GOLGA3: variants seen among roughly 807,000 people sequenced by gnomAD.
The protein encoded by GOLGA3 is golgin subfamily A member 3.
A neutral mutation model predicts 169.4 loss-of-function variants in GOLGA3; 75 were observed. That is an observed-to-expected ratio of 0.44 (90% CI 0.37 to 0.54). The LOEUF is 0.54. Among genes scored for constraint, GOLGA3 ranks in the 20% least tolerant of loss-of-function variants. GOLGA3 has a pLI of 0.00. For missense variants in GOLGA3, 1,899 were observed against 1,930.0 expected (o/e 0.98, Z 0.30); for synonymous variants, 824 against 822.4 (o/e 1.00, Z -0.03).
chr12:132,775,073 C>A, intron 22 of GOLGA3, 68 bp downstream of exon 22: 2 of 1,405,378 alleles, frequency 1.4e-6, no homozygotes, highest in Non-Finnish European at 9.8e-7. Context: ...AACACGTCTG[C>A]CAGCCTCCTG....
chr12:132,789,274 T>G lies in GOLGA3; in HGVS notation c.2564A>C (p.Tyr855Ser). Reference sequence around the variant, plus strand: ...GTCTTTGGAGGTGGCGTCGCGCCGGTAGGCCTCCACCATCACCTGCCAAAG... The same window carrying G: ...GTCTTTGGAGGTGGCGTCGCGCCGGGAGGCCTCCACCATCACCTGCCAAAG... ...FLQQKVMVEA[Y>S]RRDATSKDQL... The change falls in exon 13 of 24, where the codon TAC becomes TCC. Residue 855 changes from tyrosine (Y) to serine (S), a missense_variant. Transcript: ENST00000450791. The G allele has an allele frequency of 3.8e-6, 6 of 1,597,882 alleles. No individual in the cohort carries two copies. Among genetic ancestry groups the G allele is most frequent in the South Asian group, 1.1e-5 (1 of 90,594 alleles).
At chr12:132,795,620 G>A (rs969066255) in intron 11 of GOLGA3, among the ~76,000 whole-genome samples, 3 of 152,220 alleles carry the variant, frequency 2.0e-5, no homozygotes, top group African/African-American at 7.2e-5. Flanking sequence ...AATTAGCTGG[G>A]CATGGTGGCG....
rs2044869436 is a variant in GOLGA3 at position 132,770,843 on chromosome 12, C to T, written c.*2262G>A. 1 of 152,198 alleles carries T rather than the reference C, an allele frequency of 6.6e-6. No homozygotes were observed. The highest frequency in any genetic ancestry group is 1.9e-4 in the East Asian group (1 of 5,186). The allele number at this position is 152,198 out of a possible 1,614,324, so 9.4% of individuals were successfully genotyped here. On this transcript the variant is annotated 3_prime_UTR_variant, in exon 24 of 24. Coordinates refer to ENST00000450791, the MANE Select transcript of GOLGA3 (RefSeq NM_001389683.1). ...AAAGACGGGGTTTTGCCATGTTGGCCAGGATGGTCTGGACCTCTTGACCTC... is the reference window on the plus strand; with the variant it reads ...AAAGACGGGGTTTTGCCATGTTGGCTAGGATGGTCTGGACCTCTTGACCTC...
At chr12:132,781,484 G>A (rs182140661) in intron 17 of GOLGA3, among the ~76,000 whole-genome samples, 19 of 152,204 alleles carry the variant, frequency 1.2e-4, no homozygotes, top group African/African-American at 1.7e-4. Flanking sequence ...GCTTGAACCC[G>A]GGAGGCAGGG....
Position 132,796,044 on chromosome 12 carries a change from G to C in GOLGA3, c.2277C>G (p.Gly759=), listed in dbSNP as rs528566298. Reference sequence around the variant, plus strand: ...TCGTGTCCTCCCTGGAGGCGGCCTCGCCCTGCAGCTCCCCCAGCCTGGCCT... The same window carrying C: ...TCGTGTCCTCCCTGGAGGCGGCCTCCCCCTGCAGCTCCCCCAGCCTGGCCT... The part of the protein sequence containing the change: ...ELQARLGELQ[G]EAASREDTIC... Residue 759 remains glycine, a synonymous_variant, in exon 11 of 24, where the codon GGC becomes GGG. Coordinates refer to ENST00000450791, the MANE Select transcript of GOLGA3 (RefSeq NM_001389683.1). 3 of 1,612,288 alleles carry C rather than the reference G, an allele frequency of 1.9e-6. No individual in the cohort carries two copies. Among genetic ancestry groups the C allele is most frequent in the Admixed American group, 1.7e-5 (1 of 59,988 alleles).
intron 7 of GOLGA3, among the ~76,000 whole-genome samples, chr12:132,803,270 G>A (rs1180057394): frequency 1.3e-5 from 2 of 152,178 alleles, no homozygotes; most frequent in Non-Finnish European, 2.9e-5. Context: ...GTACTCTGCT[G>A]CTCCACACGT....
chr12:132,781,498 C>T (rs371622108), intron 17 of GOLGA3, among the ~76,000 whole-genome samples: 48 of 152,186 alleles, frequency 3.2e-4, no homozygotes, highest in African/African-American at 1.2e-3. Context: ...GGCAGGGAGC[C>T]GCGATCGTGC....
chr12:132,783,997 T>A, intron 16 of GOLGA3, 167 bp downstream of exon 16: 1 of 1,498,734 alleles, frequency 6.7e-7, no homozygotes, highest in Non-Finnish European at 8.9e-7. Flanking sequence ...AATCAGGGCC[T>A]GCCCCACCAC....
At chr12:132,773,484 T>A (rs1383615861) in intron 23 of GOLGA3, among the ~76,000 whole-genome samples, 190 bp from the exon 24 acceptor site, 8 of 152,216 alleles carry the variant, frequency 5.3e-5, no homozygotes, top group African/African-American at 1.7e-4. Flanking sequence ...GGACACAGGC[T>A]CAAGGACCAG....
rs985316514 is a variant in GOLGA3, at chr12:132,772,516, C to A, written c.*589G>T. 7.7e-6 allele frequency: 1 copy of A among 129,368 alleles called. No individual in the cohort carries two copies. Among genetic ancestry groups the A allele is most frequent in the East Asian group, 2.3e-4 (1 of 4,300 alleles). The allele number at this position is 129,368 out of a possible 1,614,324, so 8.0% of individuals were successfully genotyped here. A position where few individuals can be genotyped will look rare whatever the true frequency, so the allele number is the denominator to read the frequency against. ...CGGAGAGTGTGCCACTGCACTCCAG[C>A]CTGGGCAACAAAGCGAGACTCTGTC... is the stretch of plus-strand genomic sequence containing the variant. On this transcript the variant is annotated 3_prime_UTR_variant, in exon 24 of 24. Coordinates refer to ENST00000450791, the MANE Select transcript of GOLGA3 (RefSeq NM_001389683.1).
rs149503883 is a variant in GOLGA3, at chr12:132,804,984, G to T, written c.1329C>A (p.Ala443=). ...GCGCCTGCAGCTTCGTGCTGAGGGC[G>T]GCCAGCTGGGCCTGCAGCTCAGCCT... The part of the protein sequence containing the change: ...KEKAELQAQL[A]ALSTKLQAQV... The change falls in exon 7 of 24, where the codon GCC becomes GCA. Residue 443 remains alanine (A), a synonymous_variant. Coordinates refer to ENST00000450791, the MANE Select transcript of GOLGA3 (RefSeq NM_001389683.1). This position sits in a 1 kb window ranked among gnomAD's most constrained non-coding sequence, Gnocchi z 4.1. 1.8e-5 allele frequency: 29 copies of T among 1,611,708 alleles called. No individual in the cohort carries two copies. Among genetic ancestry groups the T allele is most frequent in the Non-Finnish European group, 2.5e-5 (29 of 1,179,810 alleles).
At chr12:132,790,233 C>G (rs1254908706) in intron 12 of GOLGA3, among the ~76,000 whole-genome samples, 2 of 152,120 alleles carry the variant, frequency 1.3e-5, no homozygotes, top group African/African-American at 4.8e-5. Context: ...ACTCAGGAGG[C>G]TGAGGCAAGA....
At position 132,796,112 on chromosome 12, in the gene GOLGA3, C is replaced by T. The variant is rs1416247884; in HGVS notation, c.2209G>A (p.Glu737Lys). The change falls in exon 11 of 24, where the codon GAG becomes AAG. Residue 737 changes from glutamate (E) to lysine (K), a missense_variant. Coordinates refer to ENST00000450791, the MANE Select transcript of GOLGA3 (RefSeq NM_001389683.1). The part of the protein sequence containing the change: ...TLTQEALQSR[E>K]QSLDALQTHY... ...GTCTGCAGGGCATCGAGGGACTGCTCCCTGCTCTGCAGAGCCTCCTGAGTC... is the reference window on the plus strand; with the variant it reads ...GTCTGCAGGGCATCGAGGGACTGCTTCCTGCTCTGCAGAGCCTCCTGAGTC... 6.2e-7 allele frequency: 1 copy of T among 1,612,802 alleles called. No individual in the cohort carries two copies. Among genetic ancestry groups the T allele is most frequent in the Admixed American group, 1.7e-5 (1 of 60,012 alleles).
chr12:132,823,997 C>T (rs1255550520), intron 1 of GOLGA3, among the ~76,000 whole-genome samples: 2 of 151,840 alleles, frequency 1.3e-5, no homozygotes, highest in East Asian at 1.9e-4. Flanking sequence ...GCAGGAACAT[C>T]GCTTGAACCT....
chr12:132,779,930 A>ACACCAC (rs1378156409), intron 18 of GOLGA3, among the ~76,000 whole-genome samples: 2 of 117,602 alleles, frequency 1.7e-5, no homozygotes, highest in East Asian at 2.7e-4. Flanking sequence ...GCATGCACAC[A>ACACCAC]ACCCAGGCAC....
intron 1 of GOLGA3, chr12:132,825,645 G>A (rs1197537016): frequency 9.1e-6 from 7 of 767,358 alleles, no homozygotes; most frequent in South Asian, 7.3e-5. Context: ...CAGTTCCAAT[G>A]AGGGAGTCCA....
intron 8 of GOLGA3, among the ~76,000 whole-genome samples, chr12:132,799,534 G>C (rs756412023): frequency 1.4e-4 from 21 of 152,108 alleles, no homozygotes; most frequent in Non-Finnish European, 2.6e-4. Flanking sequence ...CAGCTACTTG[G>C]GGGGCTGAGG....
At chr12:132,774,434 G>T in intron 22 of GOLGA3, 114 bp from the exon 23 acceptor site, 1 of 1,219,542 alleles carries the variant, frequency 8.2e-7, no homozygotes, top group Non-Finnish European at 1.2e-6. Context: ...GGGCCTCTGG[G>T]AAGGGGACCG....
chr12:132,786,319 G>A lies in GOLGA3; in HGVS notation c.3123+20C>T, dbSNP rs949290096. On this transcript the variant is annotated intron_variant, in intron 15 of 23. Coordinates refer to ENST00000450791, the MANE Select transcript of GOLGA3 (RefSeq NM_001389683.1). Reference sequence around the variant, plus strand: ...TGAGGGGCTGGTGACCCTGGCCGGGGATGGCACGGTGTTACCTACATGTAG... The same window carrying A: ...TGAGGGGCTGGTGACCCTGGCCGGGAATGGCACGGTGTTACCTACATGTAG... 6.5e-7 allele frequency: 1 copy of A among 1,527,576 alleles called. No individual in the cohort carries two copies. Among genetic ancestry groups the A allele is most frequent in the South Asian group, 1.2e-5 (1 of 84,018 alleles). The allele number at this position is 1,527,576 out of a possible 1,614,324, so 94.6% of individuals were successfully genotyped here.
Sources: gnomAD v4.1 joint callset for allele counts (sites outside exome capture counted in the v4.1 genomes callset) on GRCh38, gnomAD v4.1.1 for gene constraint, Gnocchi (gnomAD v3.1) non-coding constraint, MANE v1.5 for transcripts, NCBI Gene and HGNC (gene_info 2026-07-23, HGNC 2026-07-21) for gene names.